The following ZCCHC7 variants were observed in gnomAD, a reference collection of about 807,000 sequenced individuals.
ZCCHC7 encodes the protein zinc finger CCHC domain-containing protein 7.
ZCCHC7 carries 35 observed loss-of-function variants against 52.0 expected under a neutral mutation model. The ratio of observed to expected loss-of-function variants is 0.67; its 90% CI spans 0.51 to 0.89. The LOEUF is 0.89. ZCCHC7 is among the 40% of genes least tolerant of loss of function. The probability of loss-of-function intolerance (pLI) is 0.00; values close to 1 mark genes in which losing one functional copy is unlikely to be tolerated. For synonymous variants in ZCCHC7, 217 were observed against 221.5 expected, an observed-to-expected ratio of 0.98 and a Z score of 0.18; for missense variants, 574 against 649.1, an observed-to-expected ratio of 0.88 and a Z score of 1.26.
intron 5 of ZCCHC7, among the ~76,000 whole-genome samples, chr9:37,311,209 A>G (rs1182133955): frequency 6.6e-6 from 1 of 152,104 alleles, no homozygotes; most frequent in African/African-American, 2.4e-5. Flanking sequence ...CTTTTTTATT[A>G]AAGCATAATG....
chr9:37,333,923 T>C (rs1159984484), intron 6 of ZCCHC7: 3 of 152,012 alleles, frequency 2.0e-5, no homozygotes, highest in South Asian at 2.1e-4. Flanking sequence ...CGTTTCTTTT[T>C]ACTTGCAACT....
chr9:37,155,753 C>G (rs1820782069), intron 2 of ZCCHC7, among the ~76,000 whole-genome samples: 1 of 152,168 alleles, frequency 6.6e-6, no homozygotes, highest in South Asian at 2.1e-4. Context: ...TACACTAAGC[C>G]TTTGTTCTCT....
intron 2 of ZCCHC7, among the ~76,000 whole-genome samples, chr9:37,127,150 A>G (rs1842577114): frequency 6.6e-6 from 1 of 152,178 alleles, no homozygotes; most frequent in South Asian, 2.1e-4. Flanking sequence ...CAGAATACCA[A>G]AGACACTCTG....
intron 2 of ZCCHC7, among the ~76,000 whole-genome samples, chr9:37,135,359 TA>T (rs1454749766): frequency 6.6e-6 from 1 of 152,248 alleles, no homozygotes; most frequent in African/African-American, 2.4e-5. Flanking sequence ...TTCCTGTTTG[TA>T]ATTTTTTTTA....
intron 2 of ZCCHC7, among the ~76,000 whole-genome samples, chr9:37,301,155 A>G (rs1472873776): frequency 6.6e-6 from 1 of 152,222 alleles, no homozygotes; most frequent in Non-Finnish European, 1.5e-5. Context: ...TTTGGTAGAA[A>G]TACTTTTCCT....
chr9:37,299,759 C>CT (rs1828947253), intron 2 of ZCCHC7, among the ~76,000 whole-genome samples: 1 of 152,192 alleles, frequency 6.6e-6, no homozygotes, highest in African/African-American at 2.4e-5. Context: ...GAAATACTGA[C>CT]TTGATCTATT....
rs1292595394 is a variant in ZCCHC7 at position 37,303,684 on chromosome 9, A to G, written c.655-504A>G. On this transcript the variant is annotated intron_variant, in intron 3 of 8. Coordinates refer to ENST00000336755, the MANE Select transcript of ZCCHC7 (RefSeq NM_032226.3). ...TTTTTTTTTTTTTTTTTTTTTTGAG[A>G]TGAAGTTTCACTCTTGTTGCCCAGG... is the stretch of plus-strand genomic sequence containing the variant. Among the ~76,000 whole-genome samples, 8 of 58,084 alleles carry G rather than the reference A, an allele frequency of 1.4e-4. No individual in the cohort carries two copies. The South Asian group carries it at 3.6e-3, about 26-fold the overall frequency. 38.1% of individuals were successfully genotyped at this position (58,084 alleles called of 152,430 possible). A position where few individuals can be genotyped will look rare whatever the true frequency, so the allele number is the denominator to read the frequency against.
chr9:37,157,163 A>G (rs1820858388), intron 2 of ZCCHC7, among the ~76,000 whole-genome samples: 1 of 149,560 alleles, frequency 6.7e-6, no homozygotes, highest in African/African-American at 2.5e-5. Context: ...CTGTACTAGT[A>G]GTCATTGTAT....
At chr9:37,273,376 G>T (rs1031929965) in intron 2 of ZCCHC7, among the ~76,000 whole-genome samples, 13 of 152,118 alleles carry the variant, frequency 8.5e-5, no homozygotes, top group Admixed American at 8.5e-4. Flanking sequence ...GGTGGCGGGT[G>T]CCTGTAGTCC....
chr9:37,325,291 GT>G (rs1830197967), intron 5 of ZCCHC7, among the ~76,000 whole-genome samples: 1 of 152,198 alleles, frequency 6.6e-6, no homozygotes, highest in Non-Finnish European at 1.5e-5. Context: ...ATCCATCTAA[GT>G]ACCAGTAAGG....
At position 37,357,260 on chromosome 9, in the gene ZCCHC7, A is replaced by G. The variant is rs779258326; in HGVS notation, c.1624A>G (p.Lys542Glu). ...ATTTCTTATTAAGCAGAGAAAAAAA[A>G]AGTCTTAAGCCGTCAGGCAGCCTCT... is the stretch of plus-strand genomic sequence containing the variant. ...NLFLIKQRKK[K>E]S Residue 542 changes from lysine to glutamate, a missense_variant, in exon 9 of 9, where the codon AAG (lysine) becomes GAG (glutamate). Lys to Glu is a moderately conservative substitution (Grantham distance 56). This residue lies in a region of ZCCHC7 where 168 missense variants were observed against 171.6 expected (regional missense o/e 0.98). Transcript: ENST00000336755. 2.5e-6 allele frequency: 4 copies of G among 1,592,544 alleles called. No homozygotes were observed. The highest frequency in any genetic ancestry group is 4.5e-5 in the East Asian group (2 of 44,762).
chr9:37,293,794 TTC>T (rs149443803), intron 2 of ZCCHC7, among the ~76,000 whole-genome samples: 7 of 151,526 alleles, frequency 4.6e-5, no homozygotes, highest in African/African-American at 1.7e-4. Context: ...AGATGAGGCC[TTC>T]TCTCTCTCTC....
intron 2 of ZCCHC7, among the ~76,000 whole-genome samples, chr9:37,182,054 G>A (rs1481326512): frequency 6.6e-6 from 1 of 152,038 alleles, no homozygotes; most frequent in African/African-American, 2.4e-5. Context: ...TATATAAATT[G>A]TTGGTTTATA....
intron 2 of ZCCHC7, among the ~76,000 whole-genome samples, chr9:37,244,852 C>T (rs1826017743): frequency 6.6e-6 from 1 of 151,582 alleles, no homozygotes; most frequent in South Asian, 2.1e-4. Context: ...AGCATTTGTT[C>T]CATTGAATAA....
chr9:37,260,016 G>A (rs982660789), intron 2 of ZCCHC7, among the ~76,000 whole-genome samples: 1 of 152,062 alleles, frequency 6.6e-6, no homozygotes, highest in Non-Finnish European at 1.5e-5. Flanking sequence ...ATGTTGCAGT[G>A]GTTTATAAAA....
chr9:37,336,498 G>A (rs1482990180), intron 6 of ZCCHC7, among the ~76,000 whole-genome samples: 23 of 152,144 alleles, frequency 1.5e-4, no homozygotes, highest in Non-Finnish European at 2.9e-5. Context: ...GGGATGGCAG[G>A]TGGTGGGAGG....
intron 5 of ZCCHC7, among the ~76,000 whole-genome samples, chr9:37,321,127 T>C (rs1830035191): frequency 6.6e-6 from 1 of 151,758 alleles, no homozygotes. Flanking sequence ...TAGCTGGGAC[T>C]ACAGGCGCGT....
chr9:37,229,042 C>T (rs776276891), intron 2 of ZCCHC7, among the ~76,000 whole-genome samples: 3 of 151,900 alleles, frequency 2.0e-5, no homozygotes, highest in Non-Finnish European at 2.9e-5. Flanking sequence ...CACCGTGTTG[C>T]CAGGCTGGTC....
chr9:37,158,615 G>A (rs890482548), intron 2 of ZCCHC7, among the ~76,000 whole-genome samples: 5 of 151,950 alleles, frequency 3.3e-5, no homozygotes, highest in African/African-American at 1.2e-4. Flanking sequence ...GATAATAAAT[G>A]CATATATTTA....
Sources: gnomAD v4.1 joint callset for allele counts (sites outside exome capture counted in the v4.1 genomes callset) on GRCh38, gnomAD v4.1.1 for gene constraint, gnomAD v4.1.1 regional missense constraint, MANE v1.5 for transcripts, NCBI Gene and HGNC (gene_info 2026-07-23, HGNC 2026-07-21) for gene names.